DYNC2I1: variants seen among roughly 807,000 people sequenced by gnomAD.
DYNC2I1 encodes the protein cytoplasmic dynein 2 intermediate chain 1.
Under a neutral mutation model 133.4 loss-of-function variants are expected in DYNC2I1, and 89 were observed. That is an observed-to-expected ratio of 0.67 (90% confidence interval 0.56 to 0.80). The LOEUF is 0.80. DYNC2I1 is among the 30% of genes least tolerant of loss of function. The pLI, the probability that DYNC2I1 is intolerant of heterozygous loss-of-function variation, is 0.00. For synonymous variants in DYNC2I1, 504 were observed against 484.3 expected, an observed-to-expected ratio of 1.04 and a Z score of -0.54; for missense variants, 1,291 against 1,314.5, an observed-to-expected ratio of 0.98 and a Z score of 0.28.
downstream of DYNC2I1, among the ~76,000 whole-genome samples, chr7:158,949,648 C>T (rs2657392): frequency 3.5e-5 from 1 of 28,586 alleles, no homozygotes; most frequent in Non-Finnish European, 1.2e-4. Flanking sequence ...GTGCAGGCGG[C>T]GCGGCTTCAG....
At chr7:158,912,732 G>A (rs1312775553) in intron 12 of DYNC2I1, among the ~76,000 whole-genome samples, 2 of 152,210 alleles carry the variant, frequency 1.3e-5, no homozygotes, top group African/African-American at 2.4e-5. Context: ...TAAGAAAATA[G>A]GGTGTGGGCA....
At chr7:158,936,258 G>A (rs1221711550) in intron 23 of DYNC2I1, among the ~76,000 whole-genome samples, 3 of 152,098 alleles carry the variant, frequency 2.0e-5, no homozygotes, top group African/African-American at 4.8e-5. Context: ...GAGCTCTTGA[G>A]CTTTTTTTGG....
At chr7:158,893,669 T>A (rs754763508) in intron 8 of DYNC2I1, among the ~76,000 whole-genome samples, 5 of 152,040 alleles carry the variant, frequency 3.3e-5, no homozygotes, top group African/African-American at 4.8e-5. Context: ...ACACCGCATA[T>A]CATACCATAT....
chr7:158,907,571 C>T (rs1326155704), intron 11 of DYNC2I1, among the ~76,000 whole-genome samples: 1 of 151,600 alleles, frequency 6.6e-6, no homozygotes, highest in East Asian at 1.9e-4. Context: ...TTTCCTTTCC[C>T]TTTCCCTTTC....
chr7:158,879,131 C>T (rs1452060047), intron 4 of DYNC2I1, among the ~76,000 whole-genome samples: 1 of 152,038 alleles, frequency 6.6e-6, no homozygotes, highest in Non-Finnish European at 1.5e-5. Flanking sequence ...TACTGTGTGG[C>T]GTTGGGGTGA....
intron 11 of DYNC2I1, among the ~76,000 whole-genome samples, chr7:158,909,653 AC>A (rs1847187778): frequency 6.6e-6 from 1 of 152,158 alleles, no homozygotes; most frequent in Non-Finnish European, 1.5e-5. Context: ...GATTGAATAT[AC>A]CGGAGCAACC....
intron 10 of DYNC2I1, among the ~76,000 whole-genome samples, chr7:158,905,562 C>T (rs1025242087): frequency 6.6e-5 from 10 of 152,212 alleles, no homozygotes; most frequent in East Asian, 5.8e-4. Flanking sequence ...TCTTTTGTTT[C>T]GTGCCCTTTG....
intron 21 of DYNC2I1, among the ~76,000 whole-genome samples, chr7:158,932,049 G>A (rs1850270608): frequency 6.6e-6 from 1 of 152,170 alleles, no homozygotes; most frequent in Admixed American, 6.5e-5. Context: ...CCCAGGAGTT[G>A]TGAGCTGGAA....
intron 4 of DYNC2I1, among the ~76,000 whole-genome samples, chr7:158,954,909 C>G (rs1279613779): frequency 6.6e-6 from 1 of 151,760 alleles, no homozygotes; most frequent in Non-Finnish European, 1.5e-5. Flanking sequence ...CCCACCATGC[C>G]CCGTCCCCCA....
At chr7:158,902,644 G>A in intron 10 of DYNC2I1, 49 bp downstream of exon 10, 1 of 1,517,636 alleles carries the variant, frequency 6.6e-7, no homozygotes, top group African/African-American at 1.4e-5. Flanking sequence ...AGGGCTCTGT[G>A]TACTGAGCCC....
upstream of DYNC2I1, among the ~76,000 whole-genome samples, chr7:158,854,654 A>G (rs754753451): frequency 2.6e-4 from 40 of 152,314 alleles, no homozygotes; most frequent in Middle Eastern, 3.4e-3. Context: ...TAATAAAAAA[A>G]GAGAAGGGGG....
intron 21 of DYNC2I1, among the ~76,000 whole-genome samples, chr7:158,933,060 G>T (rs565910044): frequency 2.6e-4 from 39 of 151,748 alleles, no homozygotes; most frequent in Non-Finnish European, 4.9e-4. Context: ...TGGAGGTAAG[G>T]ATTTGGGAGT....
intron 21 of DYNC2I1, among the ~76,000 whole-genome samples, chr7:158,932,257 G>A (rs1319471871): frequency 3.9e-5 from 6 of 152,224 alleles, no homozygotes; most frequent in Admixed American, 1.3e-4. Context: ...CACAAGGCTT[G>A]TGGGAGCTCA....
chr7:158,858,593 T>G (rs1431534266), intron 1 of DYNC2I1, among the ~76,000 whole-genome samples: 1 of 152,194 alleles, frequency 6.6e-6, no homozygotes, highest in Non-Finnish European at 1.5e-5. Context: ...AGCTTATTAG[T>G]GTCATATTAC....
chr7:158,875,199 A>G (rs1843242316), intron 3 of DYNC2I1, among the ~76,000 whole-genome samples: 1 of 149,026 alleles, frequency 6.7e-6, no homozygotes, highest in South Asian at 2.1e-4. Flanking sequence ...GGGTTCAAGC[A>G]ATTCTCTTCC....
chr7:158,944,607 C>T (rs2129489697), intron 24 of DYNC2I1, among the ~76,000 whole-genome samples: 1 of 152,328 alleles, frequency 6.6e-6, no homozygotes, highest in South Asian at 2.1e-4. Context: ...TTCATTCCCA[C>T]ACTCTGCCGC....
intron 5 of DYNC2I1, among the ~76,000 whole-genome samples, chr7:158,882,802 G>A (rs1363881185): frequency 2.0e-5 from 3 of 151,862 alleles, no homozygotes; most frequent in Non-Finnish European, 4.4e-5. Context: ...CTTGAACCTG[G>A]GAGGAAGAGG....
At chr7:158,857,178 G>A (rs1841344417) in intron 1 of DYNC2I1, among the ~76,000 whole-genome samples, 1 of 152,242 alleles carries the variant, frequency 6.6e-6, no homozygotes, top group Non-Finnish European at 1.5e-5. Flanking sequence ...GGGTGCTTGA[G>A]TTTGAATTCA....
intron 1 of DYNC2I1, among the ~76,000 whole-genome samples, chr7:158,863,487 T>C (rs1842059752): frequency 6.6e-6 from 1 of 151,606 alleles, no homozygotes; most frequent in Non-Finnish European, 1.5e-5. Flanking sequence ...ATAATATGGC[T>C]GTTGGTGGTG....
Sources: allele counts gnomAD v4.1 joint callset (sites outside exome capture counted in the v4.1 genomes callset), GRCh38; gene constraint gnomAD v4.1.1; transcripts MANE v1.5; gene names NCBI Gene and HGNC (gene_info 2026-07-23, HGNC 2026-07-21).